The following PREX1 variants were observed in gnomAD, a reference collection of about 807,000 sequenced individuals.
PREX1 encodes the protein phosphatidylinositol-3,4,5-trisphosphate dependent Rac exchange factor 1.
A neutral mutation model predicts 198.3 loss-of-function variants in PREX1; 41 were observed. The observed-to-expected ratio is 0.21, with a 90% CI of 0.16 to 0.27. The LOEUF (loss-of-function observed/expected upper bound fraction) is 0.27, where lower values mean the gene tolerates loss of function less well. Among genes scored for constraint, PREX1 ranks in the 10% least tolerant of loss-of-function variants. The pLI is 1.00. For synonymous variants in PREX1, 843 were observed against 887.2 expected (o/e 0.95, Z 0.89); for missense variants, 1,620 against 2,200.7 (o/e 0.74, Z 5.28).
intron 5 of PREX1, among the ~76,000 whole-genome samples, chr20:48,716,421 G>A (rs576726785): frequency 1.3e-5 from 2 of 152,240 alleles, no homozygotes; most frequent in African/African-American, 2.4e-5. Context: ...AGCCTGAGGC[G>A]CAGGGCCTCA....
chr20:48,747,756 G>T, intron 2 of PREX1, 53 bp downstream of exon 2: 2 of 1,539,552 alleles, frequency 1.3e-6, no homozygotes, highest in Non-Finnish European at 1.8e-6. Flanking sequence ...GGAAGAGCAA[G>T]GCACAAAGCA....
intron 1 of PREX1, among the ~76,000 whole-genome samples, chr20:48,800,970 A>G (rs1275928694): frequency 6.6e-6 from 1 of 152,086 alleles, no homozygotes; most frequent in Non-Finnish European, 1.5e-5. Context: ...GATGCAAATA[A>G]TTATGGGATT....
rs967245667 is a variant in PREX1 at position 48,754,349 on chromosome 20, TA to T, written c.220-6470del. ...GCTGGCAAGTGAAGGAGCTGGGCCT[TA>T]AACCCAGACAGTCTCCATCACGCGC... On this transcript the variant is annotated intron_variant, in intron 1 of 39. Transcript: ENST00000371941. Among the ~76,000 whole-genome samples the T allele has an allele frequency of 2.0e-5, 3 of 152,236 alleles. No homozygotes were observed. In the East Asian group the frequency reaches 5.8e-4, roughly 29 times the overall value.
In PREX1 at chr20:48,727,674, C is replaced by G. The variant is rs182031126; in HGVS notation, c.520-1283G>C. On this transcript the variant is annotated intron_variant, in intron 4 of 39. Transcript: ENST00000371941. ...GAAAAGTGAGTCACAGAGCTGGGACCTAGAGCCAGGCGGGTTGACACCGAG... is the reference window on the plus strand; with the variant it reads ...GAAAAGTGAGTCACAGAGCTGGGACGTAGAGCCAGGCGGGTTGACACCGAG... 7.2e-5 allele frequency among the ~76,000 whole-genome samples: 11 copies of G among 152,230 alleles called. No individual in the cohort carries two copies. The East Asian group carries it at 1.7e-3, about 24-fold the overall frequency.
In PREX1 at chr20:48,795,802, G is replaced by A. The variant is rs375228120; in HGVS notation, c.219+31840C>T. 7.9e-4 allele frequency among the ~76,000 whole-genome samples: 121 copies of A among 152,234 alleles called. No individual in the cohort carries two copies. In the South Asian group the frequency reaches 0.021, roughly 27 times the overall value. ...AGCTCAGAATGCTAGGTGATCCTACGTTTACCCTCAGGGACCCAGAATTTG... is the reference window on the plus strand; with the variant it reads ...AGCTCAGAATGCTAGGTGATCCTACATTTACCCTCAGGGACCCAGAATTTG... On this transcript the variant is annotated intron_variant, in intron 1 of 39. Coordinates refer to ENST00000371941, the MANE Select transcript of PREX1 (RefSeq NM_020820.4).
intron 1 of PREX1, among the ~76,000 whole-genome samples, chr20:48,766,832 G>A (rs1254000820): frequency 6.6e-6 from 1 of 152,154 alleles, no homozygotes; most frequent in Admixed American, 6.5e-5. Context: ...GTGGATGGAC[G>A]GGTAGAGGGA....
At chr20:48,637,277 C>G (rs1260207621) in intron 31 of PREX1, among the ~76,000 whole-genome samples, 1 of 152,190 alleles carries the variant, frequency 6.6e-6, no homozygotes, top group East Asian at 1.9e-4. Flanking sequence ...TTTTTAGTGA[C>G]CAAATTTGAC....
intron 1 of PREX1, among the ~76,000 whole-genome samples, chr20:48,783,492 C>G (rs988835843): frequency 1.3e-5 from 2 of 152,106 alleles, no homozygotes; most frequent in Admixed American, 6.5e-5. Context: ...AGTGGCCATA[C>G]CCGGGTGCAA....
At position 48,653,493 on chromosome 20, in the gene PREX1, A is replaced by G. The variant is rs2089517550; in HGVS notation, c.2214T>C (p.Ser738=). ...PPYVYAVGRG[S]EAMAAGLCAG... ...CACAGAGCCCTGCAGCCATGGCCTC[A>G]GAGCCTAAGGGGAACAGGAGCACAT... The change falls in exon 20 of 40, where the codon TCT becomes TCC. Residue 738 remains serine, a synonymous_variant. Transcript: ENST00000371941. The G allele has an allele frequency of 1.9e-6, 3 of 1,610,256 alleles. No homozygotes were observed. Among genetic ancestry groups the G allele is most frequent in the African/African-American group, 2.7e-5 (2 of 74,858 alleles).
chr20:48,760,338 C>G (rs1032649445), intron 1 of PREX1, among the ~76,000 whole-genome samples: 5 of 152,040 alleles, frequency 3.3e-5, no homozygotes, highest in African/African-American at 1.2e-4. Flanking sequence ...CTGCAAATAG[C>G]TCTATTATTA....
chr20:48,668,744 G>C (rs2089656294), intron 14 of PREX1, among the ~76,000 whole-genome samples: 1 of 152,182 alleles, frequency 6.6e-6, no homozygotes, highest in African/African-American at 2.4e-5. Flanking sequence ...GTAGCTGGAG[G>C]GCCTGCGGGT....
intron 1 of PREX1, among the ~76,000 whole-genome samples, chr20:48,758,951 G>C (rs1034742212): frequency 1.3e-5 from 2 of 152,094 alleles, no homozygotes; most frequent in African/African-American, 4.8e-5. Flanking sequence ...ACATTCCCCT[G>C]CGGAGGCCAA....
chr20:48,639,057 C>T lies in PREX1; in HGVS notation c.3904+709G>A, dbSNP rs534840711. Among the ~76,000 whole-genome samples the T allele has an allele frequency of 3.3e-5, 5 of 152,376 alleles. No individual in the cohort carries two copies. In the South Asian group the frequency reaches 8.3e-4, roughly 25 times the overall value. On this transcript the variant is annotated intron_variant, in intron 30 of 39. Transcript: ENST00000371941. ...GTCCTGGTCAAACATCTCCCTCGTC[C>T]GGATCCTTCTAACGCAGGAGTCTCA...
chr20:48,871,793 A>G, the PREX1 span, among the ~76,000 whole-genome samples: 1 of 141,364 alleles, frequency 7.1e-6, no homozygotes, highest in South Asian at 2.4e-4. Context: ...ACCAGACACA[A>G]AATATATACC....
chr20:48,735,453 G>A (rs1406837425), intron 3 of PREX1, among the ~76,000 whole-genome samples: 1 of 152,162 alleles, frequency 6.6e-6, no homozygotes, highest in Non-Finnish European at 1.5e-5. Flanking sequence ...CAAAGAGAAG[G>A]GAGGATGGGT....
At chr20:48,677,708 G>T (rs570578071) in intron 13 of PREX1, among the ~76,000 whole-genome samples, 70 of 152,358 alleles carry the variant, frequency 4.6e-4, no homozygotes, top group African/African-American at 1.6e-3. Flanking sequence ...AATAAGGCCA[G>T]GCACGGTGGC....
the PREX1 span, among the ~76,000 whole-genome samples, chr20:48,884,818 GAC>G: frequency 6.6e-6 from 1 of 152,260 alleles, no homozygotes; most frequent in Admixed American, 6.5e-5. Flanking sequence ...ATAGTAAAAA[GAC>G]AAATAAACCG....
At chr20:48,641,836 GAGAGAGGAAGGAAGGAAGGAAGGAAGGA>G (rs1480211997) in intron 29 of PREX1, among the ~76,000 whole-genome samples, 22 of 116,866 alleles carry the variant, frequency 1.9e-4, no homozygotes, top group African/African-American at 3.4e-4. Flanking sequence ...GAGAGAGAGA[GAGAGAGGAAGGAAGGAAGGAAGGAAGGA>G]AGGAAGGAAG....
At chr20:48,636,372 C>G (rs985202476) in intron 32 of PREX1, 91 bp downstream of exon 32, 5 of 1,329,456 alleles carry the variant, frequency 3.8e-6, no homozygotes, top group African/African-American at 1.5e-5. Context: ...CAGGGGGAGC[C>G]TGAGTAAGTG....
Sources: allele counts gnomAD v4.1 joint callset (sites outside exome capture counted in the v4.1 genomes callset), GRCh38; gene constraint gnomAD v4.1.1; transcripts MANE v1.5; gene names NCBI Gene and HGNC (gene_info 2026-07-23, HGNC 2026-07-21).